Variants in SYNJ1 observed in about 807,000 individuals in gnomAD.
SYNJ1 encodes the protein synaptojanin 1.
Under a neutral mutation model 168.2 loss-of-function variants are expected in SYNJ1, and 78 were observed. The ratio of observed to expected loss-of-function variants is 0.46; its 90% confidence interval spans 0.39 to 0.56. The LOEUF (loss-of-function observed/expected upper bound fraction) is 0.56, where lower values mean the gene tolerates loss of function less well. Among genes scored for constraint, SYNJ1 ranks in the 20% least tolerant of loss-of-function variants. The pLI is 0.00. For missense variants in SYNJ1, 1,303 were observed against 1,597.6 expected (o/e 0.82, Z 3.14); for synonymous variants, 539 against 548.6 (o/e 0.98, Z 0.24).
Position 32,643,394 on chromosome 21 carries a change from G to T in SYNJ1, c.3478+16C>A. ...AAAATGAGAGAACCACTTCTATAAT[G>T]CAAGAGTCTTGTTACCTTCCATCTC... On this transcript the variant is annotated intron_variant, in intron 27 of 32. Transcript: ENST00000674351. 6.2e-7 allele frequency: 1 copy of T among 1,613,476 alleles called. No homozygotes were observed. Among genetic ancestry groups the T allele is most frequent in the Non-Finnish European group, 8.5e-7 (1 of 1,179,570 alleles).
intron 8 of SYNJ1, among the ~76,000 whole-genome samples, chr21:32,686,196 C>G (rs1601419959): frequency 6.6e-6 from 1 of 152,092 alleles, no homozygotes; most frequent in East Asian, 1.9e-4. Context: ...TCATCTAAGA[C>G]AAAGCCTATC....
At chr21:32,679,649 G>A (rs1361662906) in intron 11 of SYNJ1, among the ~76,000 whole-genome samples, 1 of 151,984 alleles carries the variant, frequency 6.6e-6, no homozygotes, top group African/African-American at 2.4e-5. Context: ...CTTCTTTTTA[G>A]AATAAAGAGC....
chr21:32,724,402 CACTTGAACCCAGG>C (rs906989188), intron 2 of SYNJ1, among the ~76,000 whole-genome samples: 7 of 152,122 alleles, frequency 4.6e-5, no homozygotes, highest in Non-Finnish European at 2.9e-5. Flanking sequence ...GCAGGAGAAC[CACTTGAACCCAGG>C]AGGTGGAGGT....
intron 2 of SYNJ1, among the ~76,000 whole-genome samples, chr21:32,712,994 G>A (rs1039934569): frequency 6.6e-6 from 1 of 152,160 alleles, no homozygotes; most frequent in African/African-American, 2.4e-5. Flanking sequence ...TCATACTTGT[G>A]TCATTTATAA....
At chr21:32,681,075 T>A (rs114766018) in intron 11 of SYNJ1, among the ~76,000 whole-genome samples, 2 of 152,306 alleles carry the variant, frequency 1.3e-5, no homozygotes, top group African/African-American at 4.8e-5. Context: ...CTATTAACAG[T>A]AGGCACTGTG....
rs1461901564 is a variant in SYNJ1 at position 32,673,395 on chromosome 21, T to C, written c.1671A>G (p.Thr557=). 4.0e-5 allele frequency: 64 copies of C among 1,613,576 alleles called. No homozygotes were observed. The highest frequency in any genetic ancestry group is 5.3e-5 in the Non-Finnish European group (63 of 1,179,838). ...GTGCATCAAGAAGCCAGTCAGTGAG[T>C]GTCTGATTCTTAAAAGCTATGCTGC... ...QFRSIAFKNQ[T]LTDWLLDAPK... The change falls in exon 14 of 33, where the codon ACA becomes ACG. Residue 557 remains threonine (T), a synonymous_variant. Transcript: ENST00000674351.
intron 6 of SYNJ1, among the ~76,000 whole-genome samples, chr21:32,688,650 G>A (rs908193473): frequency 2.0e-4 from 30 of 152,108 alleles, no homozygotes; most frequent in African/African-American, 7.0e-4. Flanking sequence ...TTTTAAAGGT[G>A]TTTTCATATA....
chr21:32,666,133 T>C lies in SYNJ1; in HGVS notation c.1955A>G (p.Asp652Gly). 6.3e-7 allele frequency: 1 copy of C among 1,588,438 alleles called. No individual in the cohort carries two copies. Among genetic ancestry groups the C allele is most frequent in the Non-Finnish European group, 8.6e-7 (1 of 1,169,556 alleles). ...AGTCTTCACAGTATCAACTGCAACATCCCTTTGAAACAAAGAATTCTAAAT... is the reference window on the plus strand; with the variant it reads ...AGTCTTCACAGTATCAACTGCAACACCCCTTTGAAACAAAGAATTCTAAAT... The part of the protein sequence containing the change: ...IRPQHAPFIR[D>G]VAVDTVKTGM... The change falls in exon 17 of 33, where the codon GAT becomes GGT. Residue 652 changes from aspartate (D) to glycine (G), a missense_variant and splice_region_variant. By Grantham distance (94) the Asp-to-Gly change is moderately conservative. This residue lies in a region of SYNJ1 where 920 missense variants were observed against 1,208.8 expected (regional missense o/e 0.76). Coordinates refer to ENST00000674351, the MANE Select transcript of SYNJ1 (RefSeq NM_203446.3).
At chr21:32,706,791 G>T (rs2042626957) in intron 2 of SYNJ1, among the ~76,000 whole-genome samples, 1 of 151,530 alleles carries the variant, frequency 6.6e-6, no homozygotes. Context: ...GATGGAAGGG[G>T]GATGAACCTA....
At chr21:32,688,411 A>G (rs754507733) in intron 6 of SYNJ1, 44 bp from the exon 7 acceptor site, 8 of 1,543,184 alleles carry the variant, frequency 5.2e-6, no homozygotes, top group Non-Finnish European at 7.1e-6. Flanking sequence ...AAACCAACAT[A>G]TAGACGAAAG....
At chr21:32,642,182 G>A in intron 27 of SYNJ1, 49 bp from the exon 28 acceptor site, 1 of 1,603,170 alleles carries the variant, frequency 6.2e-7, no homozygotes, top group African/African-American at 1.3e-5. Flanking sequence ...TAACAATTAA[G>A]CAATATTGCA....
chr21:32,688,297 T>G lies in SYNJ1; in HGVS notation c.851+9A>C. The G allele has an allele frequency of 6.2e-7, 1 of 1,612,010 alleles. No homozygotes were observed. The highest frequency in any genetic ancestry group is 8.5e-7 in the Non-Finnish European group (1 of 1,178,970). On this transcript the variant is annotated intron_variant, in intron 7 of 32. Transcript: ENST00000674351. ...CAAAACTTAAAGCACTATGTAAAAA[T>G]TGTCTTACCTGTCAAAAGCAGGTGC...
At chr21:32,634,001 CTATT>C (rs2039453997) in intron 32 of SYNJ1, among the ~76,000 whole-genome samples, 1 of 152,102 alleles carries the variant, frequency 6.6e-6, no homozygotes, top group African/African-American at 2.4e-5. Context: ...AATCTCTGGA[CTATT>C]TATAGTTAAT....
At chr21:32,650,619 T>G (rs918766364) in intron 22 of SYNJ1, among the ~76,000 whole-genome samples, 7 of 152,256 alleles carry the variant, frequency 4.6e-5, no homozygotes, top group Middle Eastern at 3.2e-3. Context: ...AACCACTATG[T>G]TTTCCTGGCC....
At position 32,659,094 on chromosome 21, in the gene SYNJ1, TA is replaced by T. The variant is rs75107237; in HGVS notation, c.2305-1223del. On this transcript the variant is annotated intron_variant, in intron 18 of 32. Coordinates refer to ENST00000674351, the MANE Select transcript of SYNJ1 (RefSeq NM_203446.3). Reference sequence around the variant, plus strand: ...CCAGATGGCCACTGATCCTTTTACCTAAAAAAAAAAAAAAATTTAATAAATT... The same window carrying T: ...CCAGATGGCCACTGATCCTTTTACCTAAAAAAAAAAAAAATTTAATAAATT... Among the ~76,000 whole-genome samples, 455 of 135,414 alleles carry T rather than the reference TA, an allele frequency of 3.4e-3. 1 individual carries two copies. Among genetic ancestry groups the T allele is most frequent in the Middle Eastern group, 3.8e-3 (1 of 266 alleles). The allele number at this position is 135,414 out of a possible 152,430, so 88.8% of individuals were successfully genotyped here. A position where few individuals can be genotyped will look rare whatever the true frequency, so the allele number is the denominator to read the frequency against.
intron 2 of SYNJ1, among the ~76,000 whole-genome samples, chr21:32,713,171 A>G (rs1450263326): frequency 2.0e-5 from 3 of 151,172 alleles, no homozygotes; most frequent in Non-Finnish European, 4.4e-5. Flanking sequence ...AACATGGATG[A>G]TTTCCCATAT....
chr21:32,719,466 C>T (rs866003965), intron 2 of SYNJ1, among the ~76,000 whole-genome samples: 4 of 152,266 alleles, frequency 2.6e-5, no homozygotes, highest in African/African-American at 9.6e-5. Context: ...GTAATCCCAG[C>T]ACTTTGGAAG....
intron 2 of SYNJ1, 87 bp downstream of exon 2, chr21:32,726,685 G>C (rs1275133402): frequency 1.3e-6 from 2 of 1,503,486 alleles, no homozygotes; most frequent in Non-Finnish European, 1.8e-6. Flanking sequence ...AAGGGTTGTC[G>C]GGCTCTTTTC....
At chr21:32,702,955 A>G (rs1426043508) in intron 2 of SYNJ1, among the ~76,000 whole-genome samples, 1 of 152,282 alleles carries the variant, frequency 6.6e-6, no homozygotes, top group Admixed American at 6.5e-5. Context: ...TATTGCCAAC[A>G]AAAGGGCTCT....
Sources: allele counts gnomAD v4.1 joint callset (sites outside exome capture counted in the v4.1 genomes callset), GRCh38; gene constraint gnomAD v4.1.1; regional missense constraint gnomAD v4.1.1; transcripts MANE v1.5; gene names NCBI Gene and HGNC (gene_info 2026-07-23, HGNC 2026-07-21).